Variants in TASOR2 observed in about 807,000 individuals in gnomAD.
The protein encoded by TASOR2 is transcription activation suppressor family member 2.
A neutral mutation model predicts 199.5 loss-of-function variants in TASOR2; 84 were observed. That is an observed-to-expected ratio of 0.42 (90% CI 0.35 to 0.50). The LOEUF (loss-of-function observed/expected upper bound fraction) is 0.50, where lower values mean the gene tolerates loss of function less well. Ranked by LOEUF, TASOR2 falls within the 20% of genes least tolerant of loss-of-function variation. The pLI, the probability that TASOR2 is intolerant of heterozygous loss-of-function variation, is 0.02. For synonymous variants in TASOR2, 1,103 were observed against 1,046.6 expected, an observed-to-expected ratio of 1.05 and a Z score of -1.04; for missense variants, 2,796 against 2,835.9, an observed-to-expected ratio of 0.99 and a Z score of 0.32.
At position 5,714,057 on chromosome 10, in the gene TASOR2, TTAA is replaced by T. The variant is rs911469180; in HGVS notation, c.-192+1140_-192+1142del. 6.4e-6 allele frequency: 3 copies of T among 465,924 alleles called. No individual in the cohort carries two copies. In the Admixed American group the frequency reaches 2.1e-4, roughly 33 times the overall value. 28.9% of individuals were successfully genotyped at this position (465,924 alleles called of 1,614,324 possible). A position where few individuals can be genotyped will look rare whatever the true frequency, so the allele number is the denominator to read the frequency against. On this transcript the variant is annotated intron_variant, in intron 2 of 20. Transcript: ENST00000328090. ...CTCTATTGTATAATAAAAAATAAAA[TTAA>T]AAAAAAAAACCTTACAGATTATAGC...
chr10:5,711,021 CT>C (rs1831841597), intron 1 of TASOR2, among the ~76,000 whole-genome samples: 1 of 152,036 alleles, frequency 6.6e-6, no homozygotes, highest in Non-Finnish European at 1.5e-5. Context: ...CAGAATATCC[CT>C]ATTTTTTAAA....
At chr10:5,712,232 C>A in intron 1 of TASOR2, 1 of 426,970 alleles carries the variant, frequency 2.3e-6, no homozygotes, top group Non-Finnish European at 3.9e-6. Context: ...AGGTTATTTT[C>A]TTTACATCAG....
chr10:5,700,820 T>C (rs939852748), intron 1 of TASOR2, among the ~76,000 whole-genome samples: 1 of 149,932 alleles, frequency 6.7e-6, no homozygotes, highest in African/African-American at 2.4e-5. Flanking sequence ...GTGTGTTTGC[T>C]TGCTTGCTTG....
In TASOR2 at chr10:5,742,034, A is replaced by T; in HGVS notation, c.2328-63A>T. 1.3e-6 allele frequency: 2 copies of T among 1,499,032 alleles called. No individual in the cohort carries two copies. The highest frequency in any genetic ancestry group is 1.7e-4 in the Middle Eastern group (1 of 5,784). 92.9% of individuals were successfully genotyped at this position (1,499,032 alleles called of 1,614,324 possible). A position where few individuals can be genotyped will look rare whatever the true frequency, so the allele number is the denominator to read the frequency against. ...AATATTGGAGGCACTTGCTTATGAT[A>T]AGGTAATCAACTAAAATAACCATTT... On this transcript the variant is annotated intron_variant, in intron 13 of 20. Coordinates refer to ENST00000328090, the Ensembl canonical transcript of TASOR2. The surrounding 1 kb of genome is among the most constrained non-coding windows in gnomAD (Gnocchi z 4.2).
chr10:5,753,697 G>C (rs537423315), intron 15 of TASOR2, among the ~76,000 whole-genome samples: 9 of 152,196 alleles, frequency 5.9e-5, no homozygotes, highest in Middle Eastern at 3.4e-3. Flanking sequence ...TGCCGGATTT[G>C]GTTTTATATT....
At chr10:5,743,630 A>G (rs986713715) in intron 14 of TASOR2, among the ~76,000 whole-genome samples, 1 of 152,222 alleles carries the variant, frequency 6.6e-6, no homozygotes, top group Admixed American at 6.5e-5. Flanking sequence ...AAAGAATTAC[A>G]TAAAATCCAG....
exon 15 of TASOR2, chr10:5,749,291 C>T (rs1837671863): frequency 6.2e-7 from 1 of 1,614,078 alleles, no homozygotes; most frequent in African/African-American, 1.3e-5. Context: ...TGTGGCCTGC[C>T]CAGCTCCTGG....
chr10:5,709,416 A>G, intron 1 of TASOR2: 4 of 655,946 alleles, frequency 6.1e-6, no homozygotes, highest in Non-Finnish European at 8.6e-6. Context: ...GGAGGTAAAT[A>G]AATATTACAT....
chr10:5,695,609 A>C (rs1254495501), intron 1 of TASOR2, among the ~76,000 whole-genome samples: 1 of 152,214 alleles, frequency 6.6e-6, no homozygotes, highest in Non-Finnish European at 1.5e-5. Flanking sequence ...AGACACTTTT[A>C]GTCTAACATG....
chr10:5,761,621 C>A, intron 19 of TASOR2, 150 bp downstream of exon 20: 2 of 651,374 alleles, frequency 3.1e-6, no homozygotes, highest in Non-Finnish European at 5.3e-6. Flanking sequence ...GAAGCTGAAG[C>A]CCTTATATAA....
chr10:5,749,943 A>G, exon 15 of TASOR2: 1 of 1,614,126 alleles, frequency 6.2e-7, no homozygotes, highest in South Asian at 1.1e-5. Context: ...TCAAACTAAG[A>G]AGTGTTGTGA....
intron 11 of TASOR2, among the ~76,000 whole-genome samples, chr10:5,734,647 C>A (rs1250527043): frequency 1.3e-5 from 2 of 148,264 alleles, no homozygotes; most frequent in Non-Finnish European, 3.0e-5. Flanking sequence ...ACAGAAATAT[C>A]TATATCCTGG....
intron 10 of TASOR2, among the ~76,000 whole-genome samples, chr10:5,729,965 T>G (rs1834583436): frequency 6.6e-6 from 1 of 152,248 alleles, no homozygotes; most frequent in Non-Finnish European, 1.5e-5. Flanking sequence ...GGTGATAAAG[T>G]TAGCAATAAT....
At chr10:5,713,480 A>C (rs1247039987) in intron 2 of TASOR2, among the ~76,000 whole-genome samples, 2 of 152,194 alleles carry the variant, frequency 1.3e-5, no homozygotes, top group Admixed American at 1.3e-4. Context: ...ACAATACCAG[A>C]GATCTAAAAT....
intron 1 of TASOR2, among the ~76,000 whole-genome samples, chr10:5,711,143 C>A (rs183618327): frequency 9.5e-4 from 145 of 152,122 alleles, no homozygotes; most frequent in Non-Finnish European, 1.6e-3. Flanking sequence ...ACATTTCATT[C>A]TTTTCTATTT....
exon 15 of TASOR2, chr10:5,746,513 G>A (rs1588871032): frequency 6.2e-7 from 1 of 1,613,936 alleles, no homozygotes; most frequent in African/African-American, 1.3e-5. Context: ...AACAATGAAT[G>A]TCACCCTTCC....
At chr10:5,709,666 G>C (rs1831662520) in intron 1 of TASOR2, 2 of 1,230,598 alleles carry the variant, frequency 1.6e-6, no homozygotes, top group African/African-American at 3.1e-5. Flanking sequence ...AGAAAAGAGT[G>C]GGTATTAAAC....
rs1210739598 is a variant in TASOR2 at position 5,751,911 on chromosome 10, C to G, written c.6606+1884C>G. 1.3e-5 allele frequency among the ~76,000 whole-genome samples: 2 copies of G among 152,214 alleles called. No homozygotes were observed. The highest frequency in any genetic ancestry group is 2.9e-5 in the Non-Finnish European group (2 of 68,046). On this transcript the variant is annotated intron_variant, in intron 15 of 20. Transcript: ENST00000328090. The surrounding 1 kb of genome is among the most constrained non-coding windows in gnomAD (Gnocchi z 5.3). ...AGTACTGCCAGGTTTGTGCTAGCCTCCTTCTCCATGTGTGGAGCTCCCTTC... is the reference window on the plus strand; with the variant it reads ...AGTACTGCCAGGTTTGTGCTAGCCTGCTTCTCCATGTGTGGAGCTCCCTTC...
In TASOR2 at chr10:5,685,373, C is replaced by T. The variant is rs941737583; in HGVS notation, c.-288+198C>T. ...CTCAACCTTCTGTCCTGCGCTACAA[C>T]CTGTGGCCGCGCTCGGTGTCGCCGG... is the stretch of plus-strand genomic sequence containing the variant. On this transcript the variant is annotated intron_variant, in intron 1 of 20. Transcript: ENST00000328090. The surrounding 1 kb of genome is among the most constrained non-coding windows in gnomAD (Gnocchi z 5.4). Among the ~76,000 whole-genome samples, 1 of 152,086 alleles carries T rather than the reference C, an allele frequency of 6.6e-6. No individual in the cohort carries two copies. The highest frequency in any genetic ancestry group is 1.5e-5 in the Non-Finnish European group (1 of 68,008).
Sources: allele counts gnomAD v4.1 joint callset (sites outside exome capture counted in the v4.1 genomes callset), GRCh38; gene constraint gnomAD v4.1.1; non-coding constraint Gnocchi (gnomAD v3.1); transcripts MANE v1.5; gene names NCBI Gene and HGNC (gene_info 2026-07-23, HGNC 2026-07-21).